The following ROBO2 variants were observed in gnomAD, a reference collection of about 807,000 sequenced individuals.
ROBO2 encodes the protein roundabout homolog 2.
ROBO2 carries 53 observed loss-of-function variants against 160.8 expected under a neutral mutation model. The observed-to-expected ratio is 0.33, with a 90% CI of 0.26 to 0.41. The LOEUF (loss-of-function observed/expected upper bound fraction) is 0.41, where lower values mean the gene tolerates loss of function less well. Ranked by LOEUF, ROBO2 falls within the 10% of genes least tolerant of loss-of-function variation. The pLI is 1.00. For missense variants in ROBO2, 1,577 were observed against 1,722.4 expected, an observed-to-expected ratio of 0.92 and a Z score of 1.49; for synonymous variants, 664 against 611.7, an observed-to-expected ratio of 1.09 and a Z score of -1.26.
At chr3:76,150,724 A>C (rs1045104294) in intron 2 of ROBO2, among the ~76,000 whole-genome samples, 1 of 151,606 alleles carries the variant, frequency 6.6e-6, no homozygotes, top group Admixed American at 6.6e-5. Flanking sequence ...CCCCAATCAC[A>C]CTCTGATCTT....
intron 2 of ROBO2, among the ~76,000 whole-genome samples, chr3:77,225,840 A>C (rs938175099): frequency 1.3e-5 from 2 of 152,028 alleles, no homozygotes; most frequent in African/African-American, 4.8e-5. Context: ...ATTTTTATCC[A>C]GAAATAGAAT....
intron 2 of ROBO2, among the ~76,000 whole-genome samples, chr3:77,313,466 A>G (rs1329979511): frequency 6.6e-6 from 1 of 152,136 alleles, no homozygotes; most frequent in East Asian, 1.9e-4. Context: ...ACTAGAACTT[A>G]TTCCTCATGT....
chr3:76,481,845 G>T (rs2107339423), intron 2 of ROBO2, among the ~76,000 whole-genome samples: 1 of 152,216 alleles, frequency 6.6e-6, no homozygotes, highest in Non-Finnish European at 1.5e-5. Context: ...AGGTGGCCTT[G>T]TTCAAAGACC....
intron 2 of ROBO2, among the ~76,000 whole-genome samples, chr3:76,549,757 T>G (rs1002095767): frequency 7.9e-5 from 12 of 152,320 alleles, no homozygotes; most frequent in Non-Finnish European, 1.6e-4. Context: ...AAATTCTTCC[T>G]TAGGTTTGAT....
At chr3:77,148,470 A>G (rs1310838969) in intron 2 of ROBO2, among the ~76,000 whole-genome samples, 1 of 152,226 alleles carries the variant, frequency 6.6e-6, no homozygotes, top group Non-Finnish European at 1.5e-5. Flanking sequence ...AAGGAAAACT[A>G]CTTGAACTTC....
intron 2 of ROBO2, among the ~76,000 whole-genome samples, chr3:77,189,617 G>C (rs2081625824): frequency 6.6e-6 from 1 of 151,906 alleles, no homozygotes; most frequent in Admixed American, 6.6e-5. Context: ...GTGGTCTTTA[G>C]AATATGATGT....
intron 2 of ROBO2, among the ~76,000 whole-genome samples, chr3:77,343,971 A>C (rs2153453100): frequency 6.6e-6 from 1 of 152,338 alleles, no homozygotes; most frequent in South Asian, 2.1e-4. Context: ...GAGTCAGCAT[A>C]GAATGGAAAA....
At chr3:77,206,421 G>T (rs1468538774) in intron 2 of ROBO2, among the ~76,000 whole-genome samples, 1 of 151,970 alleles carries the variant, frequency 6.6e-6, no homozygotes, top group East Asian at 1.9e-4. Context: ...GCCTGCTGTG[G>T]CCTCCTATAG....
chr3:76,568,178 T>C (rs2084721103), intron 2 of ROBO2, among the ~76,000 whole-genome samples: 1 of 152,082 alleles, frequency 6.6e-6, no homozygotes, highest in Admixed American at 6.6e-5. Context: ...ACTAGTACAA[T>C]TTCTTGCTAA....
chr3:77,139,767 T>C (rs1180280113), intron 2 of ROBO2, among the ~76,000 whole-genome samples: 1 of 152,238 alleles, frequency 6.6e-6, no homozygotes, highest in East Asian at 1.9e-4. Flanking sequence ...CCACTTTCTC[T>C]GAAGTTGGAC....
At chr3:77,033,943 G>A (rs2063474602) in intron 2 of ROBO2, among the ~76,000 whole-genome samples, 1 of 151,826 alleles carries the variant, frequency 6.6e-6, no homozygotes, top group African/African-American at 2.4e-5. Context: ...CCAGTGACGT[G>A]AGGGGTTCTA....
intron 2 of ROBO2, among the ~76,000 whole-genome samples, chr3:76,099,582 A>T (rs963214891): frequency 6.6e-6 from 1 of 151,084 alleles, no homozygotes; most frequent in Non-Finnish European, 1.5e-5. Context: ...AGGATACTTG[A>T]AGAAAATGAC....
intron 2 of ROBO2, among the ~76,000 whole-genome samples, chr3:76,785,758 G>C (rs1046684509): frequency 1.3e-5 from 2 of 151,150 alleles, no homozygotes; most frequent in Admixed American, 1.3e-4. Flanking sequence ...GTCCAAGAGT[G>C]CCAACTAAGT....
chr3:76,039,416 A>G (rs567845099), intron 2 of ROBO2, among the ~76,000 whole-genome samples: 34 of 152,144 alleles, frequency 2.2e-4, no homozygotes, highest in African/African-American at 8.0e-4. Flanking sequence ...CACATATTCT[A>G]CTTGTTTTCT....
intron 2 of ROBO2, among the ~76,000 whole-genome samples, chr3:76,988,948 A>G (rs552707686): frequency 1.3e-5 from 2 of 152,276 alleles, no homozygotes; most frequent in African/African-American, 4.8e-5. Context: ...AAAATAATTT[A>G]TATTAAGGTA....
chr3:75,996,263 G>A (rs618140), intron 2 of ROBO2, among the ~76,000 whole-genome samples: 108,510 of 152,038 alleles, frequency 0.71, 41,593 homozygotes, highest in South Asian at 0.89. Context: ...CTAGTGGGAG[G>A]CAATTGAATC....
chr3:76,029,808 C>A (rs917789587), intron 2 of ROBO2, among the ~76,000 whole-genome samples: 1 of 151,984 alleles, frequency 6.6e-6, no homozygotes, highest in South Asian at 2.1e-4. Context: ...CTATTGTGAA[C>A]AGTGCCACAA....
intron 2 of ROBO2, among the ~76,000 whole-genome samples, chr3:76,828,943 C>A (rs17014774): frequency 0.13 from 19,429 of 151,958 alleles, 1,392 homozygotes; most frequent in East Asian, 0.24. Flanking sequence ...CTTTGCCTAC[C>A]TCCTTCTTGC....
chr3:77,193,932 G>GT (rs1350250467), intron 2 of ROBO2, among the ~76,000 whole-genome samples: 10 of 149,050 alleles, frequency 6.7e-5, no homozygotes, highest in African/African-American at 2.4e-4. Context: ...GTATTCATCT[G>GT]TTTTTTAATG....
Sources: allele counts gnomAD v4.1 joint callset (sites outside exome capture counted in the v4.1 genomes callset), GRCh38; gene constraint gnomAD v4.1.1; transcripts MANE v1.5; gene names NCBI Gene and HGNC (gene_info 2026-07-23, HGNC 2026-07-21).